Variants in ARHGAP17 observed in about 807,000 individuals in gnomAD.
The protein encoded by ARHGAP17 is rho GTPase-activating protein 17.
A neutral mutation model predicts 99.5 loss-of-function variants in ARHGAP17; 57 were observed. The observed-to-expected ratio is 0.57, with a 90% CI of 0.46 to 0.71. The LOEUF (loss-of-function observed/expected upper bound fraction) is 0.71, where lower values mean the gene tolerates loss of function less well. Ranked by LOEUF, ARHGAP17 falls within the 30% of genes least tolerant of loss-of-function variation. ARHGAP17 has a pLI of 0.00. For synonymous variants in ARHGAP17, 417 were observed against 429.6 expected (o/e 0.97, Z 0.36); for missense variants, 1,000 against 1,122.4 (o/e 0.89, Z 1.56).
At chr16:24,992,962 T>A (rs956508313) in intron 1 of ARHGAP17, among the ~76,000 whole-genome samples, 11 of 152,106 alleles carry the variant, frequency 7.2e-5, no homozygotes, top group African/African-American at 2.7e-4. Context: ...ACCACACTCA[T>A]CTAATTTTTG....
chr16:25,008,514 G>A (rs1369250644), intron 1 of ARHGAP17, among the ~76,000 whole-genome samples: 1 of 152,148 alleles, frequency 6.6e-6, no homozygotes, highest in Non-Finnish European at 1.5e-5. Flanking sequence ...GCGAACAGAT[G>A]AGAGTTTAAC....
intron 3 of ARHGAP17, among the ~76,000 whole-genome samples, chr16:24,975,661 A>T (rs1329314957): frequency 6.6e-6 from 1 of 152,214 alleles, no homozygotes; most frequent in African/African-American, 2.4e-5. Context: ...ATAAAAGGGT[A>T]ACACAGATCA....
rs2050968112 is a variant in ARHGAP17, at chr16:24,930,927, G to A, written c.2372C>T (p.Ala791Val). Residue 791 changes from alanine to valine, a missense_variant, in exon 19 of 20, where the codon GCT becomes GTT. Ala to Val is a moderately conservative substitution (Grantham distance 64). Transcript: ENST00000289968. ...TGGTCTCGGTCTCGGTAAGGTTCCA[G>A]CATGTGGCTGTGCAGTTTCAGGGTT... ...GGNPETAQPH[A>V]GTLPRPRPVP... The A allele has an allele frequency of 6.2e-7, 1 of 1,613,986 alleles. No individual in the cohort carries two copies. The highest frequency in any genetic ancestry group is 8.5e-7 in the Non-Finnish European group (1 of 1,179,968).
Position 24,972,324 on chromosome 16 carries a change from T to C in ARHGAP17, c.199-1744A>G, listed in dbSNP as rs115265029. 3.5e-3 allele frequency among the ~76,000 whole-genome samples: 532 copies of C among 152,298 alleles called. 1 individual carries two copies. The highest frequency in any genetic ancestry group is 0.012 in the African/African-American group (518 of 41,566). On this transcript the variant is annotated intron_variant, in intron 3 of 19. Coordinates refer to ENST00000289968, the MANE Select transcript of ARHGAP17 (RefSeq NM_001006634.3). ...TAAATGTAGAACCTATTCAAAACAG[T>C]AAGCTGAAATTTAAAAATAAACAGA...
rs115682477 is a variant in ARHGAP17 at position 24,962,360 on chromosome 16, C to T, written c.573+1837G>A. On this transcript the variant is annotated intron_variant, in intron 7 of 19. Coordinates refer to ENST00000289968, the MANE Select transcript of ARHGAP17 (RefSeq NM_001006634.3). ...GATTCCTGAAGAACTGTACTCTCAA[C>T]GAAACAACAGATTAGAACAAATGCA... Among the ~76,000 whole-genome samples the T allele has an allele frequency of 7.8e-3, 1,179 of 152,032 alleles. 19 individuals carry two copies. The highest frequency in any genetic ancestry group is 0.027 in the African/African-American group (1,106 of 41,430).
intron 17 of ARHGAP17, among the ~76,000 whole-genome samples, chr16:24,939,046 A>ACATGAAT (rs1258211786): frequency 2.0e-5 from 3 of 152,248 alleles, no homozygotes; most frequent in Non-Finnish European, 4.4e-5. Context: ...AACAGAAGGT[A>ACATGAAT]CATGAATGCT....
intron 1 of ARHGAP17, among the ~76,000 whole-genome samples, chr16:25,002,618 C>T (rs536160907): frequency 3.4e-4 from 52 of 152,320 alleles, no homozygotes; most frequent in Admixed American, 3.9e-4. Context: ...CAATCAACAT[C>T]GCCTGGCTCT....
intron 18 of ARHGAP17, 92 bp downstream of exon 18, chr16:24,935,378 C>T: frequency 1.0e-5 from 14 of 1,376,804 alleles, no homozygotes; most frequent in Non-Finnish European, 1.4e-5. Flanking sequence ...TAGAAAAGAT[C>T]TGGCCACAAA....
intron 1 of ARHGAP17, among the ~76,000 whole-genome samples, chr16:25,000,400 C>T (rs2053329170): frequency 6.6e-6 from 1 of 152,180 alleles, no homozygotes; most frequent in African/African-American, 2.4e-5. Context: ...CAGCTCCCAG[C>T]ATGGGAACTG....
At chr16:24,954,110 C>T (rs563945854) in intron 10 of ARHGAP17, among the ~76,000 whole-genome samples, 1 of 152,060 alleles carries the variant, frequency 6.6e-6, no homozygotes, top group South Asian at 2.1e-4. Flanking sequence ...TGCTGACTTC[C>T]TTATTTATAC....
chr16:24,970,367 G>T (rs2052325612), intron 4 of ARHGAP17, 140 bp downstream of exon 4: 4 of 787,318 alleles, frequency 5.1e-6, no homozygotes, highest in East Asian at 5.0e-5. Flanking sequence ...TTCTCCCAAG[G>T]AGTCTCAGCC....
intron 10 of ARHGAP17, 73 bp downstream of exon 10, chr16:24,954,530 C>T (rs1042436473): frequency 1.6e-5 from 24 of 1,536,952 alleles, no homozygotes; most frequent in South Asian, 2.6e-5. Flanking sequence ...AGGGGGCTGG[C>T]GGGGAGCATG....
intron 2 of ARHGAP17, chr16:24,977,530 T>C (rs2052554852): frequency 5.2e-6 from 2 of 385,888 alleles, no homozygotes; most frequent in East Asian, 7.7e-5. Flanking sequence ...AAATGAATGA[T>C]CCGGGCCCAG....
At chr16:24,981,540 T>C (rs1467241675) in intron 1 of ARHGAP17, among the ~76,000 whole-genome samples, 2 of 152,090 alleles carry the variant, frequency 1.3e-5, no homozygotes, top group Non-Finnish European at 2.9e-5. Flanking sequence ...CAAACGATAG[T>C]TTACACATAT....
chr16:24,921,414 TCA>T (rs2050717202), intron 19 of ARHGAP17, among the ~76,000 whole-genome samples: 2 of 152,150 alleles, frequency 1.3e-5, no homozygotes, highest in Non-Finnish European at 2.9e-5. Context: ...TGGGGGCGTT[TCA>T]CAGTTAGGCT....
intron 1 of ARHGAP17, among the ~76,000 whole-genome samples, chr16:24,982,541 C>T (rs2052704161): frequency 6.6e-6 from 1 of 152,196 alleles, no homozygotes; most frequent in Non-Finnish European, 1.5e-5. Flanking sequence ...ATGGCTCCCT[C>T]ACACAAAGAT....
chr16:24,953,073 G>A, intron 10 of ARHGAP17, 31 bp from the exon 11 acceptor site: 1 of 1,604,866 alleles, frequency 6.2e-7, no homozygotes, highest in Non-Finnish European at 8.5e-7. Context: ...TCAGCATCAA[G>A]TGCAGGTTGG....
At chr16:24,967,733 AG>A (rs2052229758) in intron 6 of ARHGAP17, among the ~76,000 whole-genome samples, 1 of 150,576 alleles carries the variant, frequency 6.6e-6, no homozygotes, top group East Asian at 2.0e-4. Flanking sequence ...GGCTGCAGTA[AG>A]CTATGATCGC....
At chr16:24,943,664 C>T (rs1360028314) in intron 15 of ARHGAP17, 107 bp downstream of exon 15, 1 of 956,906 alleles carries the variant, frequency 1.0e-6, no homozygotes, top group Non-Finnish European at 1.6e-6. Context: ...AAAAGTGAAA[C>T]CAATTACGTA....
Sources: allele counts gnomAD v4.1 joint callset (sites outside exome capture counted in the v4.1 genomes callset), GRCh38; gene constraint gnomAD v4.1.1; transcripts MANE v1.5; gene names NCBI Gene and HGNC (gene_info 2026-07-23, HGNC 2026-07-21).